Variants in RNF213 observed in about 807,000 individuals in gnomAD.
The protein encoded by RNF213 is ring finger protein 213, also known as E3 ubiquitin-protein ligase RNF213.
Under a neutral mutation model 514.4 loss-of-function variants are expected in RNF213, and 341 were observed. That is an observed-to-expected ratio of 0.66 (90% CI 0.61 to 0.73). The LOEUF is 0.73. Ranked by LOEUF, RNF213 falls within the 30% of genes least tolerant of loss-of-function variation. The probability of loss-of-function intolerance (pLI) is 0.00; values close to 1 mark genes in which losing one functional copy is unlikely to be tolerated. For missense variants in RNF213, 5,767 were observed against 6,615.6 expected, an observed-to-expected ratio of 0.87 and a Z score of 4.45; for synonymous variants, 2,655 against 2,658.2, an observed-to-expected ratio of 1.00 and a Z score of 0.04.
rs147868237 is a variant in RNF213, at chr17:80,339,481, C to A, written c.5114C>A (p.Thr1705Lys). 7.4e-3 allele frequency: 11,428 copies of A among 1,537,234 alleles called. 57 individuals are homozygous for A. Among genetic ancestry groups the A allele is most frequent in the Non-Finnish European group, 9.0e-3 (10,368 of 1,146,902 alleles). Residue 1705 changes from threonine to lysine, a missense_variant, in exon 26 of 68, where the codon ACG becomes AAG. Coordinates refer to ENST00000582970, the MANE Select transcript of RNF213 (RefSeq NM_001256071.3). ...GAGCACTTTTACCTGAACTTCTACACGGCAGAGCAGCTGGTTTACCTGAGC... is the reference window on the plus strand; with the variant it reads ...GAGCACTTTTACCTGAACTTCTACAAGGCAGAGCAGCTGGTTTACCTGAGC... Reference protein sequence around the residue: ...RMEHFYLNFYTAEQLVYLSTE... With the variant: ...RMEHFYLNFYKAEQLVYLSTE...
rs761760577 is a variant in RNF213, at chr17:80,379,615, C to A, written c.13546-5C>A. On this transcript the variant is annotated splice_polypyrimidine_tract_variant and splice_region_variant and intron_variant, in intron 54 of 67. Coordinates refer to ENST00000582970, the MANE Select transcript of RNF213 (RefSeq NM_001256071.3). ...AGTGGTTCTAGTGCCCTGTCTTCAC[C>A]CTAGTGTGGCAGGCCGATGGAACAG... 1 of 1,613,868 alleles carries A rather than the reference C, an allele frequency of 6.2e-7. No homozygotes were observed. The highest frequency in any genetic ancestry group is 1.1e-5 in the South Asian group (1 of 91,074).
At chr17:80,332,686 C>T (rs2046449267) in intron 21 of RNF213, 55 bp downstream of exon 21, 13 of 1,443,006 alleles carry the variant, frequency 9.0e-6, no homozygotes, top group South Asian at 1.5e-5. Context: ...GCCTCAGCCT[C>T]TTCAGGAGCC....
chr17:80,338,103 A>G, intron 25 of RNF213, 106 bp downstream of exon 25: 1 of 1,352,818 alleles, frequency 7.4e-7, no homozygotes, highest in South Asian at 1.3e-5. Flanking sequence ...GATTTGACTG[A>G]TAAGAAGGGC....
intron 42 of RNF213, 57 bp downstream of exon 42, chr17:80,364,610 G>C (rs1403876517): frequency 1.2e-6 from 2 of 1,609,224 alleles, no homozygotes; most frequent in Non-Finnish European, 1.7e-6. Flanking sequence ...CCGAAAGGAA[G>C]AACAGCACTG....
intron 26 of RNF213, 58 bp downstream of exon 26, chr17:80,340,414 C>A: frequency 1.3e-6 from 2 of 1,493,706 alleles, no homozygotes. Context: ...CGGGGCCCTT[C>A]CCCCCTCCAG....
rs149694183 is a variant in RNF213, at chr17:80,385,620, C to T, written c.14538C>T (p.Asn4846=). ...WNKLRRSLET[N]GEINLPKDYC... is the part of the protein sequence containing the mutation. Reference sequence around the variant, plus strand: ...AACTGAGGAGATCGCTTGAGACGAACGGTTAGTATCCTGTCCCCTGTACCA... The same window carrying T: ...AACTGAGGAGATCGCTTGAGACGAATGGTTAGTATCCTGTCCCCTGTACCA... Residue 4846 remains asparagine, a splice_region_variant and synonymous_variant, in exon 61 of 68, where the codon AAC becomes AAT. Transcript: ENST00000582970. 1.0e-4 allele frequency: 161 copies of T among 1,613,474 alleles called. No homozygotes were observed. Among genetic ancestry groups the T allele is most frequent in the Admixed American group, 1.3e-4 (8 of 60,016 alleles).
intron 15 of RNF213, among the ~76,000 whole-genome samples, chr17:80,315,321 G>A (rs1450631164): frequency 9.7e-6 from 1 of 103,500 alleles, no homozygotes; most frequent in Non-Finnish European, 1.8e-5. Flanking sequence ...GATGGTGGTG[G>A]TGGTGATGGT....
intron 52 of RNF213, 122 bp from the exon 53 acceptor site, chr17:80,376,760 C>T: frequency 8.9e-7 from 1 of 1,123,330 alleles, no homozygotes; most frequent in Admixed American, 2.0e-5. Flanking sequence ...TCACAGACAG[C>T]TTGAGAAGTC....
chr17:80,329,877 G>C (rs1212374919), intron 20 of RNF213, among the ~76,000 whole-genome samples: 1 of 152,002 alleles, frequency 6.6e-6, no homozygotes, highest in East Asian at 1.9e-4. Flanking sequence ...TTAATAGGTA[G>C]GTCTTTCAAC....
chr17:80,382,670 G>A (rs954210209), intron 57 of RNF213: 6 of 353,678 alleles, frequency 1.7e-5, no homozygotes, highest in East Asian at 8.0e-5. Context: ...CAGCTGAGAC[G>A]GCTGGCGGTA....
chr17:80,265,051 T>TTG (rs1477933471), intron 2 of RNF213, among the ~76,000 whole-genome samples: 59 of 149,668 alleles, frequency 3.9e-4, no homozygotes, highest in Non-Finnish European at 7.4e-4. Flanking sequence ...TTTGTTTTTT[T>TTG]TTTTTTTTTT....
At chr17:80,277,929 AT>A (rs1285111823) in intron 3 of RNF213, among the ~76,000 whole-genome samples, 8 of 152,158 alleles carry the variant, frequency 5.3e-5, no homozygotes, top group African/African-American at 1.9e-4. Flanking sequence ...ACCTGCAGTC[AT>A]GGGGTGGGTG....
rs765864801 is a variant in RNF213 at position 80,347,622 on chromosome 17, C to T, written c.9287C>T (p.Thr3096Ile). ...NINRVKICME[T>I]GKMVLLLNLQ... ...AATCGTGTGAAGATCTGCATGGAAACAGGCAAGATGGTGTTGCTTCTCAAC... is the reference window on the plus strand; with the variant it reads ...AATCGTGTGAAGATCTGCATGGAAATAGGCAAGATGGTGTTGCTTCTCAAC... The change falls in exon 29 of 68, where the codon ACA (threonine) becomes ATA (isoleucine). Residue 3096 changes from threonine (T) to isoleucine (I), a missense_variant. Coordinates refer to ENST00000582970, the MANE Select transcript of RNF213 (RefSeq NM_001256071.3). This position sits in a 1 kb window ranked among gnomAD's most constrained non-coding sequence, Gnocchi z 7.2. 1.2e-6 allele frequency: 2 copies of T among 1,614,154 alleles called. No homozygotes were observed. Among genetic ancestry groups the T allele is most frequent in the Non-Finnish European group, 1.7e-6 (2 of 1,180,028 alleles).
intron 14 of RNF213, 88 bp downstream of exon 14, chr17:80,309,259 C>G: frequency 6.0e-6 from 9 of 1,512,304 alleles, no homozygotes; most frequent in Non-Finnish European, 8.3e-6. Flanking sequence ...CAGACTGATT[C>G]CCGGGTGCTG....
At position 80,383,050 on chromosome 17, in the gene RNF213, G is replaced by T. The variant is rs1408585106; in HGVS notation, c.14050G>T (p.Val4684Leu). ...RNNWEKEIAA[V>L]ISPELEHLDK... ...CAACTGGGAAAAGGAAATCGCAGCT[G>T]TGATTTCTCCTGAACTGGAGGTAAG... Residue 4684 changes from valine to leucine, a missense_variant, in exon 58 of 68, where the codon GTG becomes TTG. Around this residue, in one of 13 missense-constraint regions of RNF213, gnomAD observed 1,245 missense variants for 1,339.0 expected, o/e 0.93. Transcript: ENST00000582970. 1 of 1,613,668 alleles carries T rather than the reference G, an allele frequency of 6.2e-7. No homozygotes were observed. Among genetic ancestry groups the T allele is most frequent in the Admixed American group, 1.7e-5 (1 of 60,028 alleles).
intron 3 of RNF213, among the ~76,000 whole-genome samples, chr17:80,277,054 TCAAAA>T (rs745772171): frequency 6.7e-6 from 1 of 150,250 alleles, no homozygotes; most frequent in Admixed American, 6.6e-5. Flanking sequence ...AGACTCACTC[TCAAAA>T]CAAAGCAAAC....
intron 57 of RNF213, chr17:80,381,931 C>T (rs900951514): frequency 9.9e-6 from 6 of 605,716 alleles, no homozygotes; most frequent in Non-Finnish European, 1.5e-5. Flanking sequence ...ACTCTGCTTG[C>T]CCAGAGGCTG....
At chr17:80,294,019 C>T (rs374376661) in intron 8 of RNF213, among the ~76,000 whole-genome samples, 3 of 152,158 alleles carry the variant, frequency 2.0e-5, no homozygotes, top group African/African-American at 7.2e-5. Context: ...GAGGCCTGTC[C>T]GGGCGCTTCC....
At position 80,347,893 on chromosome 17, in the gene RNF213, C is replaced by T. The variant is rs1434624527; in HGVS notation, c.9558C>T (p.Ser3186=). The T allele has an allele frequency of 6.2e-7, 1 of 1,614,220 alleles. No homozygotes were observed. The change falls in exon 29 of 68, where the codon AGC becomes AGT. Residue 3186 remains serine, a synonymous_variant. Coordinates refer to ENST00000582970, the MANE Select transcript of RNF213 (RefSeq NM_001256071.3). This position sits in a 1 kb window ranked among gnomAD's most constrained non-coding sequence, Gnocchi z 7.2. Reference sequence around the variant, plus strand: ...CGGTGCTGGAGAAATGGCAGAAGAGCATCGTGGAGGAGCTCTGTGCGTGGG... The same window carrying T: ...CGGTGCTGGAGAAATGGCAGAAGAGTATCGTGGAGGAGCTCTGTGCGTGGG... ...INTVLEKWQK[S]IVEELCAWVE... is the part of the protein sequence containing the mutation.
Sources: allele counts gnomAD v4.1 joint callset (sites outside exome capture counted in the v4.1 genomes callset), GRCh38; gene constraint gnomAD v4.1.1; regional missense constraint gnomAD v4.1.1; non-coding constraint Gnocchi (gnomAD v3.1); transcripts MANE v1.5; gene names NCBI Gene and HGNC (gene_info 2026-07-23, HGNC 2026-07-21).